The following ZBTB40 variants were observed in gnomAD, a reference collection of about 807,000 sequenced individuals.
ZBTB40 encodes the protein zinc finger and BTB domain-containing protein 40.
A neutral mutation model predicts 117.5 loss-of-function variants in ZBTB40; 60 were observed. That is an observed-to-expected ratio of 0.51 (90% CI 0.41 to 0.63). The LOEUF (loss-of-function observed/expected upper bound fraction) is 0.63, where lower values mean the gene tolerates loss of function less well. ZBTB40 is among the 30% of genes least tolerant of loss of function. The pLI is 0.00. For synonymous variants in ZBTB40, 525 were observed against 577.1 expected, an observed-to-expected ratio of 0.91 and a Z score of 1.29; for missense variants, 1,287 against 1,498.5, an observed-to-expected ratio of 0.86 and a Z score of 2.33.
intron 1 of ZBTB40, among the ~76,000 whole-genome samples, chr1:22,466,623 T>C (rs143922037): frequency 1.3e-3 from 192 of 152,268 alleles, no homozygotes; most frequent in African/African-American, 4.4e-3. Flanking sequence ...ACAGTTTTGA[T>C]CTGCATTTAC....
chr1:22,503,768 A>C (rs532153188), intron 5 of ZBTB40, among the ~76,000 whole-genome samples: 2 of 152,378 alleles, frequency 1.3e-5, no homozygotes, highest in African/African-American at 2.4e-5. Flanking sequence ...TCTTCAAATT[A>C]AGTGTAATTT....
chr1:22,430,502 G>A lies in ZBTB40; in HGVS notation c.-70+1488G>A, dbSNP rs540328497. On this transcript the variant is annotated intron_variant, in intron 1 of 8. Coordinates refer to the ZBTB40 transcript ENST00000650433. ...GCTACACTAGAGGCTGAGGTGGGAG[G>A]ATTGCTTGAGCCTGGGAGGCCAAGG... is the stretch of plus-strand genomic sequence containing the variant. Among the ~76,000 whole-genome samples, 33 of 152,264 alleles carry A rather than the reference G, an allele frequency of 2.2e-4. No individual in the cohort carries two copies. The South Asian group carries it at 6.6e-3, about 31-fold the overall frequency.
At chr1:22,501,824 C>A in intron 4 of ZBTB40, 140 bp downstream of exon 4, 1 of 994,988 alleles carries the variant, frequency 1.0e-6, no homozygotes, top group Non-Finnish European at 1.5e-6. Flanking sequence ...ATTCCAGAAG[C>A]TGCATGTTAA....
intron 1 of ZBTB40, among the ~76,000 whole-genome samples, chr1:22,437,193 G>A (rs1640680484): frequency 1.3e-5 from 2 of 152,108 alleles, no homozygotes; most frequent in Admixed American, 1.3e-4. Context: ...CAGAATTGGA[G>A]AAACAGACAG....
intron 1 of ZBTB40, among the ~76,000 whole-genome samples, chr1:22,429,322 A>C (rs1640545952): frequency 6.6e-6 from 1 of 152,098 alleles, no homozygotes; most frequent in Admixed American, 6.5e-5. Flanking sequence ...CGGAGCTTGC[A>C]GTGAGCCGAC....
chr1:22,525,410 T>G (rs548737831), intron 17 of ZBTB40, among the ~76,000 whole-genome samples: 8 of 152,370 alleles, frequency 5.3e-5, no homozygotes, highest in Non-Finnish European at 4.4e-5. Flanking sequence ...CACTTGTTCC[T>G]GCTCTCTGCT....
At chr1:22,493,809 TC>T (rs1464064491) in intron 3 of ZBTB40, among the ~76,000 whole-genome samples, 8 of 151,396 alleles carry the variant, frequency 5.3e-5, no homozygotes, top group Non-Finnish European at 8.8e-5. Context: ...TTTTTTTTTT[TC>T]CTTTTTTCTT....
chr1:22,505,445 G>A (rs1430243455), intron 5 of ZBTB40, among the ~76,000 whole-genome samples: 1 of 152,180 alleles, frequency 6.6e-6, no homozygotes, highest in South Asian at 2.1e-4. Flanking sequence ...TGGAGCTGAT[G>A]TATGTGGCTG....
chr1:22,443,595 G>A (rs1020535753), intron 1 of ZBTB40, among the ~76,000 whole-genome samples: 2 of 152,192 alleles, frequency 1.3e-5, no homozygotes, highest in African/African-American at 4.8e-5. Context: ...GATGGTAAAT[G>A]TCTCTTTTCG....
chr1:22,449,057 G>A (rs535102421), upstream of ZBTB40, among the ~76,000 whole-genome samples: 415 of 152,050 alleles, frequency 2.7e-3, no homozygotes, highest in Middle Eastern at 6.8e-3. Flanking sequence ...CTCATGATCC[G>A]CCTGCCTCGG....
chr1:22,453,336 T>TACGCATGC (rs1640928135), intron 1 of ZBTB40, among the ~76,000 whole-genome samples: 1 of 152,190 alleles, frequency 6.6e-6, no homozygotes, highest in South Asian at 2.1e-4. Context: ...CCCATGCATG[T>TACGCATGC]ACGCATGCAT....
chr1:22,508,360 A>G (rs1309888587), intron 7 of ZBTB40, among the ~76,000 whole-genome samples, 170 bp from the exon 8 acceptor site: 1 of 152,200 alleles, frequency 6.6e-6, no homozygotes, highest in Non-Finnish European at 1.5e-5. Flanking sequence ...CAAAAGGAGA[A>G]ATGAAGAACT....
intron 1 of ZBTB40, among the ~76,000 whole-genome samples, chr1:22,484,327 T>C (rs1638407385): frequency 6.6e-6 from 1 of 152,240 alleles, no homozygotes; most frequent in African/African-American, 2.4e-5. Flanking sequence ...ATATCTTTCA[T>C]CAGAGTTTTG....
chr1:22,488,803 G>A (rs945671058), intron 1 of ZBTB40, among the ~76,000 whole-genome samples: 13 of 152,182 alleles, frequency 8.5e-5, no homozygotes, highest in South Asian at 2.1e-4. Context: ...ATAGGATGAG[G>A]TAGGGGTAGC....
chr1:22,485,129 G>A (rs565649461), intron 1 of ZBTB40, among the ~76,000 whole-genome samples: 1 of 152,260 alleles, frequency 6.6e-6, no homozygotes, highest in Non-Finnish European at 1.5e-5. Context: ...GTCTCTGTGT[G>A]GTTTTGGTAG....
chr1:22,449,897 T>C (rs1006901451), upstream of ZBTB40, among the ~76,000 whole-genome samples: 1 of 152,200 alleles, frequency 6.6e-6, no homozygotes, highest in African/African-American at 2.4e-5. Context: ...ATACAGCACA[T>C]TGGCAATGAT....
intron 3 of ZBTB40, among the ~76,000 whole-genome samples, chr1:22,493,684 G>A (rs1006738139): frequency 5.3e-5 from 8 of 151,962 alleles, no homozygotes; most frequent in Non-Finnish European, 1.2e-4. Flanking sequence ...GTCTGCTTTC[G>A]GTCACTGTAC....
intron 1 of ZBTB40, among the ~76,000 whole-genome samples, chr1:22,444,211 G>A (rs377507673): frequency 2.6e-5 from 4 of 152,076 alleles, no homozygotes; most frequent in Admixed American, 1.3e-4. Context: ...TCAGGAGTTC[G>A]AGACCAGCCT....
chr1:22,433,443 A>AAAAAAAAAAAAAAAAAAAAAAAAAAC (rs1640626023), intron 1 of ZBTB40, among the ~76,000 whole-genome samples: 1 of 139,610 alleles, frequency 7.2e-6, no homozygotes. Context: ...AAAAAAAAAA[A>AAAAAAAAAAAAAAAAAAAAAAAAAAC]AAAAAAAAAA....
Sources: gnomAD v4.1 joint callset for allele counts (sites outside exome capture counted in the v4.1 genomes callset) on GRCh38, gnomAD v4.1.1 for gene constraint, MANE v1.5 for transcripts, NCBI Gene and HGNC (gene_info 2026-07-23, HGNC 2026-07-21) for gene names.